The following DCLK3 variants were observed in gnomAD, a reference collection of about 807,000 sequenced individuals.
DCLK3 encodes doublecortin like kinase 3, also known as serine/threonine-protein kinase DCLK3.
Under a neutral mutation model 46.4 loss-of-function variants are expected in DCLK3, and 30 were observed. That is an observed-to-expected ratio of 0.65 (90% confidence interval 0.48 to 0.88). The LOEUF (loss-of-function observed/expected upper bound fraction) is 0.88, where lower values mean the gene tolerates loss of function less well. DCLK3 is among the 40% of genes least tolerant of loss of function. The pLI, the probability that DCLK3 is intolerant of heterozygous loss-of-function variation, is 0.00. For synonymous variants in DCLK3, 401 were observed against 339.2 expected (o/e 1.18, Z -2.00); for missense variants, 846 against 907.1 (o/e 0.93, Z 0.87).
intron 2 of DCLK3, among the ~76,000 whole-genome samples, chr3:36,736,122 C>G (rs571732671): frequency 6.6e-6 from 1 of 152,170 alleles, no homozygotes; most frequent in Non-Finnish European, 1.5e-5. Context: ...AGGGAGAACA[C>G]GTACTGTTGG....
intron 1 of DCLK3, among the ~76,000 whole-genome samples, chr3:36,762,379 T>C (rs1167188388): frequency 6.6e-6 from 1 of 152,184 alleles, no homozygotes; most frequent in East Asian, 1.9e-4. Context: ...GAAAGTGTAT[T>C]AGGAGATATT....
At chr3:36,727,243 C>G (rs931490665) in intron 2 of DCLK3, among the ~76,000 whole-genome samples, 1 of 152,182 alleles carries the variant, frequency 6.6e-6, no homozygotes, top group African/African-American at 2.4e-5. Context: ...GAGCTGAGGT[C>G]GAGCCACTGC....
intron 1 of DCLK3, among the ~76,000 whole-genome samples, chr3:36,753,666 T>C (rs1575147292): frequency 6.6e-6 from 1 of 152,152 alleles, no homozygotes; most frequent in African/African-American, 2.4e-5. Flanking sequence ...TCAGATGCTT[T>C]ATTTTATTTT....
chr3:36,738,591 G>A lies in DCLK3; in HGVS notation c.576C>T (p.Ala192=), dbSNP rs768215839. 13 of 1,404,638 alleles carry A rather than the reference G, an allele frequency of 9.3e-6. No homozygotes were observed. Among genetic ancestry groups the A allele is most frequent in the Non-Finnish European group, 1.1e-5 (12 of 1,076,036 alleles). The allele number at this position is 1,404,638 out of a possible 1,614,324, so 87.0% of individuals were successfully genotyped here. The change falls in exon 2 of 5, where the codon GCC becomes GCT. Residue 192 remains alanine, a synonymous_variant. Transcript: ENST00000636136. ...VAVEELYPNK[A]RALTLAQHSR... ...TGTGCTGGGCCAGTGTCAGGGCCCG[G>A]GCTTTGTTGGGGTACAGTTCTTCTA...
At chr3:36,732,914 G>T (rs757609211) in intron 2 of DCLK3, among the ~76,000 whole-genome samples, 1 of 152,164 alleles carries the variant, frequency 6.6e-6, no homozygotes, top group African/African-American at 2.4e-5. Flanking sequence ...AAGAGAAAAA[G>T]AACTTACAGA....
chr3:36,737,182 C>G lies in DCLK3; in HGVS notation c.1959+26G>C. The G allele has an allele frequency of 1.2e-6, 2 of 1,602,790 alleles. No homozygotes were observed. Among genetic ancestry groups the G allele is most frequent in the Non-Finnish European group, 1.7e-6 (2 of 1,173,158 alleles). On this transcript the variant is annotated intron_variant, in intron 2 of 4. Transcript: ENST00000636136. This position sits in a 1 kb window ranked among gnomAD's most constrained non-coding sequence, Gnocchi z 4.4. ...TCCCATATTCTAAAAACACCCTCTC[C>G]CATATCATCAAAAGTCAAGGCTTAC...
At chr3:36,715,559 AG>A in intron 4 of DCLK3, 38 bp from the exon 5 acceptor site, 4 of 1,506,384 alleles carry the variant, frequency 2.7e-6, no homozygotes, top group Non-Finnish European at 3.5e-6. Context: ...TGATGAATGC[AG>A]GTGGTTCTGA....
At chr3:36,732,594 G>T (rs1301595483) in intron 2 of DCLK3, among the ~76,000 whole-genome samples, 1 of 152,156 alleles carries the variant, frequency 6.6e-6, no homozygotes, top group East Asian at 1.9e-4. Context: ...TTGTGTCACT[G>T]TACTTTTTCT....
intron 1 of DCLK3, among the ~76,000 whole-genome samples, chr3:36,756,451 TCAGGGACCATGGA>T (rs1701484950): frequency 6.6e-6 from 1 of 152,126 alleles, no homozygotes; most frequent in South Asian, 2.1e-4. Flanking sequence ...AGATGTGTGC[TCAGGGACCATGGA>T]CAGGGACTGA....
At position 36,746,858 on chromosome 3, in the gene DCLK3, G is replaced by A. The variant is rs1690983657; in HGVS notation, c.83-7774C>T. The stretch of plus-strand genomic sequence containing the variant: ...CACTTGTAAGTCCTGTTGAAGTGCG[G>A]GTCCTGATTCAGACAGTCTGGGTGG... On this transcript the variant is annotated intron_variant, in intron 1 of 4. Coordinates refer to ENST00000636136, the MANE Select transcript of DCLK3 (RefSeq NM_001394672.2). 2.0e-5 allele frequency among the ~76,000 whole-genome samples: 3 copies of A among 152,110 alleles called. No homozygotes were observed. In the South Asian group the frequency reaches 6.2e-4, roughly 32 times the overall value.
chr3:36,718,064 T>C lies in DCLK3; in HGVS notation c.2206A>G (p.Ile736Val), dbSNP rs1157147403. ...AGGAACTCAAAGTGGCCCAGCTGGA[T>C]GATGTTAAAGAGCTCGTCCTGGTCC... ...ERDQDELFNIIQLGHFEFLPP... is the reference protein window; with the variant it reads ...ERDQDELFNIVQLGHFEFLPP... Residue 736 changes from isoleucine to valine, a missense_variant, in exon 4 of 5, where the codon ATC (isoleucine) becomes GTC (valine). Coordinates refer to ENST00000636136, the MANE Select transcript of DCLK3 (RefSeq NM_001394672.2). 1.2e-6 allele frequency: 2 copies of C among 1,613,968 alleles called. No individual in the cohort carries two copies. Among genetic ancestry groups the C allele is most frequent in the Non-Finnish European group, 1.7e-6 (2 of 1,180,014 alleles).
intron 2 of DCLK3, among the ~76,000 whole-genome samples, chr3:36,729,254 G>C (rs961613140): frequency 1.3e-5 from 2 of 151,572 alleles, no homozygotes; most frequent in East Asian, 1.9e-4. Context: ...TGTGTGGGGG[G>C]GGGGGGTACA....
intron 1 of DCLK3, among the ~76,000 whole-genome samples, chr3:36,762,315 T>C (rs937108177): frequency 1.3e-5 from 2 of 152,170 alleles, no homozygotes; most frequent in Admixed American, 1.3e-4. Context: ...GTGAGAAGGG[T>C]CCATGTTTTT....
chr3:36,718,372 C>G (rs1701012866), intron 3 of DCLK3, among the ~76,000 whole-genome samples, 195 bp from the exon 4 acceptor site: 3 of 152,230 alleles, frequency 2.0e-5, no homozygotes, highest in Non-Finnish European at 4.4e-5. Flanking sequence ...CATCATTACT[C>G]AAAGTGTGGT....
rs1036960969 is a variant in DCLK3 at position 36,718,092 on chromosome 3, C to T, written c.2178G>A (p.Glu726=). The part of the protein sequence containing the change: ...LCGFPPFRSP[E]RDQDELFNII... The stretch of plus-strand genomic sequence containing the variant: ...TGTTAAAGAGCTCGTCCTGGTCCCT[C>T]TCAGGGCTGCGGAATGGGGGAAAGC... Residue 726 remains glutamate (E), a synonymous_variant, in exon 4 of 5, where the codon GAG becomes GAA. Transcript: ENST00000636136. 1.9e-6 allele frequency: 3 copies of T among 1,614,060 alleles called. No individual in the cohort carries two copies. Among genetic ancestry groups the T allele is most frequent in the African/African-American group, 2.7e-5 (2 of 74,912 alleles).
chr3:36,726,456 T>C (rs1174829874), intron 2 of DCLK3, among the ~76,000 whole-genome samples: 1 of 151,908 alleles, frequency 6.6e-6, no homozygotes, highest in Non-Finnish European at 1.5e-5. Context: ...CCCTCACATC[T>C]CTCCTGGAAC....
At position 36,737,646 on chromosome 3, in the gene DCLK3, G is replaced by T. The variant is rs558396047; in HGVS notation, c.1521C>A (p.Ser507Arg). The T allele has an allele frequency of 1.2e-6, 2 of 1,613,858 alleles. No homozygotes were observed. Among genetic ancestry groups the T allele is most frequent in the Non-Finnish European group, 1.7e-6 (2 of 1,179,922 alleles). ...TGCCCATGGGCCGTGGCTTCCGACC[G>T]CTGGGCCGCTCTGGCTTGTTCTCTT... ...RPEENKPERP[S>R]GRKPRPMGII... The change falls in exon 2 of 5, where the codon AGC (serine) becomes AGA (arginine). Residue 507 changes from serine (S) to arginine (R), a missense_variant. Ser to Arg is a moderately radical substitution (Grantham distance 110, BLOSUM62 -1). Coordinates refer to ENST00000636136, the MANE Select transcript of DCLK3 (RefSeq NM_001394672.2). The surrounding 1 kb of genome is among the most constrained non-coding windows in gnomAD (Gnocchi z 4.4).
At position 36,738,510 on chromosome 3, in the gene DCLK3, T is replaced by C; in HGVS notation, c.657A>G (p.Gly219=). 1 of 1,509,862 alleles carries C rather than the reference T, an allele frequency of 6.6e-7. No homozygotes were observed. The highest frequency in any genetic ancestry group is 1.4e-5 in the South Asian group (1 of 73,612). 93.5% of individuals were successfully genotyped at this position (1,509,862 alleles called of 1,614,324 possible). ...TCTCGGTCTCCCCACAGCGGTGGTCTCCTTTCAGAGCCTTGCTAAACAGCC... is the reference window on the plus strand; with the variant it reads ...TCTCGGTCTCCCCACAGCGGTGGTCCCCTTTCAGAGCCTTGCTAAACAGCC... ...RSRLFSKALK[G]DHRCGETETP... is the part of the protein sequence containing the mutation. Residue 219 remains glycine (G), a synonymous_variant, in exon 2 of 5, where the codon GGA becomes GGG. Transcript: ENST00000636136.
At chr3:36,732,472 A>G (rs1701210302) in intron 2 of DCLK3, among the ~76,000 whole-genome samples, 1 of 152,210 alleles carries the variant, frequency 6.6e-6, no homozygotes, top group Admixed American at 6.5e-5. Flanking sequence ...CTACAGTCAT[A>G]ACTGCAATGA....
Sources: gnomAD v4.1 joint callset for allele counts (sites outside exome capture counted in the v4.1 genomes callset) on GRCh38, gnomAD v4.1.1 for gene constraint, Gnocchi (gnomAD v3.1) non-coding constraint, MANE v1.5 for transcripts, NCBI Gene and HGNC (gene_info 2026-07-23, HGNC 2026-07-21) for gene names.